Variants in JAM3 observed in about 807,000 individuals in gnomAD.
JAM3 encodes junctional adhesion molecule C.
In JAM3, 31 loss-of-function variants were observed where a neutral mutation model predicts 39.4. The ratio of observed to expected loss-of-function variants is 0.79; its 90% confidence interval spans 0.59 to 1.06. JAM3 has a LOEUF of 1.06. Among genes scored for constraint, JAM3 ranks in the 50% least tolerant of loss-of-function variants. The pLI, the probability that JAM3 is intolerant of heterozygous loss-of-function variation, is 0.00. For missense variants in JAM3, 455 were observed against 391.4 expected (o/e 1.16, Z -1.37); for synonymous variants, 182 against 148.7 (o/e 1.22, Z -1.63).
At chr11:134,121,831 A>G (rs1370018598) in intron 1 of JAM3, among the ~76,000 whole-genome samples, 9 of 152,100 alleles carry the variant, frequency 5.9e-5, no homozygotes, top group East Asian at 1.9e-4. Context: ...GCACACACAC[A>G]CACACACACA....
At chr11:134,070,691 T>A (rs1017993725) in intron 1 of JAM3, among the ~76,000 whole-genome samples, 3 of 152,244 alleles carry the variant, frequency 2.0e-5, no homozygotes, top group Admixed American at 2.0e-4. Flanking sequence ...GTTGAAAAGA[T>A]CTGTTCACGT....
Position 134,149,597 on chromosome 11 carries a change from C to T in JAM3, c.*416C>T, listed in dbSNP as rs190101200. ...GAGATGGCGAGGTGGCTGGACAGCA[C>T]CAGCAGCGCATCCCGGCGGGAACCC... On this transcript the variant is annotated 3_prime_UTR_variant, in exon 9 of 9. Coordinates refer to ENST00000299106, the MANE Select transcript of JAM3 (RefSeq NM_032801.5). 8.5e-3 allele frequency: 3,968 copies of T among 469,220 alleles called. 25 individuals are homozygous for T. Among genetic ancestry groups the T allele is most frequent in the Non-Finnish European group, 0.01 (2,395 of 235,896 alleles). 29.1% of individuals were successfully genotyped at this position (469,220 alleles called of 1,614,324 possible).
At chr11:134,128,610 C>G (rs1241903924) in intron 1 of JAM3, among the ~76,000 whole-genome samples, 1 of 151,998 alleles carries the variant, frequency 6.6e-6, no homozygotes, top group Non-Finnish European at 1.5e-5. Context: ...TGTGGCAGTT[C>G]CCCCCTTATT....
At position 134,094,991 on chromosome 11, in the gene JAM3, A is replaced by G. The variant is rs549277893; in HGVS notation, c.76+25832A>G. 9.2e-5 allele frequency among the ~76,000 whole-genome samples: 14 copies of G among 152,356 alleles called. No homozygotes were observed. In the South Asian group the frequency reaches 2.7e-3, roughly 29 times the overall value. The stretch of plus-strand genomic sequence containing the variant: ...ATATGTAACACGTATGTTAAAAGAT[A>G]TGCTTGGTAGTGAATTCTGAAAGTC... On this transcript the variant is annotated intron_variant, in intron 1 of 8. Transcript: ENST00000299106.
At chr11:134,118,388 G>T (rs1335947927) in intron 1 of JAM3, among the ~76,000 whole-genome samples, 1 of 152,154 alleles carries the variant, frequency 6.6e-6, no homozygotes, top group East Asian at 1.9e-4. Context: ...CATTATTTCA[G>T]TGTAGAACTG....
At chr11:134,105,538 A>G (rs557890619) in intron 1 of JAM3, among the ~76,000 whole-genome samples, 3 of 152,304 alleles carry the variant, frequency 2.0e-5, no homozygotes, top group South Asian at 2.1e-4. Flanking sequence ...AGGGTATTCA[A>G]TTAGGAAAAG....
At chr11:134,107,838 A>G (rs192081088) in intron 1 of JAM3, among the ~76,000 whole-genome samples, 1 of 151,818 alleles carries the variant, frequency 6.6e-6, no homozygotes, top group African/African-American at 2.4e-5. Context: ...ACTCTGGCTA[A>G]GCAACAGAGA....
chr11:134,102,956 G>A (rs1467080926), intron 1 of JAM3, among the ~76,000 whole-genome samples: 1 of 152,174 alleles, frequency 6.6e-6, no homozygotes, highest in Non-Finnish European at 1.5e-5. Context: ...TTATCCAGGA[G>A]AACTTCCCCA....
At chr11:134,133,339 AGTG>A (rs1202327000) in intron 1 of JAM3, among the ~76,000 whole-genome samples, 3 of 152,192 alleles carry the variant, frequency 2.0e-5, no homozygotes, top group Admixed American at 6.5e-5. Context: ...GTTGAATAGA[AGTG>A]GTGAAAGTGG....
intron 1 of JAM3, among the ~76,000 whole-genome samples, chr11:134,082,071 A>G (rs905281942): frequency 6.6e-6 from 1 of 151,266 alleles, no homozygotes; most frequent in Non-Finnish European, 1.5e-5. Flanking sequence ...ATTTCTCCCA[A>G]TCATTTTGGA....
intron 1 of JAM3, 155 bp from the exon 2 acceptor site, chr11:134,139,696 C>T: frequency 3.0e-6 from 2 of 673,578 alleles, no homozygotes; most frequent in Non-Finnish European, 5.4e-6. Context: ...AAGCAGTTAA[C>T]TTGGCTTACC....
At chr11:134,110,089 C>T (rs1016469400) in intron 1 of JAM3, among the ~76,000 whole-genome samples, 14 of 152,060 alleles carry the variant, frequency 9.2e-5, no homozygotes, top group Non-Finnish European at 2.1e-4. Context: ...TAATTTGCAC[C>T]TTAATGCAAA....
At chr11:134,128,451 G>T (rs750013800) in intron 1 of JAM3, among the ~76,000 whole-genome samples, 8 of 152,306 alleles carry the variant, frequency 5.3e-5, no homozygotes, top group Middle Eastern at 3.4e-3. Flanking sequence ...ATGGTTTGGC[G>T]GTGTGTTCCA....
At chr11:134,114,881 A>T (rs1213612435) in intron 1 of JAM3, among the ~76,000 whole-genome samples, 2 of 152,224 alleles carry the variant, frequency 1.3e-5, no homozygotes, top group East Asian at 3.8e-4. Context: ...TAGAATTTTT[A>T]AAAATCAGCA....
Position 134,144,922 on chromosome 11 carries a change from G to T in JAM3, c.540G>T (p.Leu180=). The T allele has an allele frequency of 6.2e-7, 1 of 1,614,166 alleles. No individual in the cohort carries two copies. The highest frequency in any genetic ancestry group is 8.5e-7 in the Non-Finnish European group (1 of 1,180,020). ...HYSWYRNDVP[L]PTDSRANPRF... Reference sequence around the variant, plus strand: ...GCTGGTATCGCAATGATGTACCACTGCCCACGGATTCCAGAGCCAATCCCA... The same window carrying T: ...GCTGGTATCGCAATGATGTACCACTTCCCACGGATTCCAGAGCCAATCCCA... The change falls in exon 5 of 9, where the codon CTG becomes CTT. Residue 180 remains leucine, a synonymous_variant. Transcript: ENST00000299106.
At chr11:134,148,737 T>C in intron 7 of JAM3, 27 bp from the exon 8 acceptor site, 1 of 1,614,140 alleles carries the variant, frequency 6.2e-7, no homozygotes, top group Non-Finnish European at 8.5e-7. Context: ...ACAACCCTGT[T>C]GCTAAACTGC....
In JAM3 at chr11:134,132,329, A is replaced by G. The variant is rs185334326; in HGVS notation, c.77-7522A>G. Reference sequence around the variant, plus strand: ...AAACACAAATTCTATATCCAGCAAAACCATCCTTCAACTATGAAGCAGAAG... The same window carrying G: ...AAACACAAATTCTATATCCAGCAAAGCCATCCTTCAACTATGAAGCAGAAG... On this transcript the variant is annotated intron_variant, in intron 1 of 8. Transcript: ENST00000299106. 1.9e-3 allele frequency among the ~76,000 whole-genome samples: 287 copies of G among 152,312 alleles called. 1 individual carries two copies. Among genetic ancestry groups the G allele is most frequent in the Middle Eastern group, 6.8e-3 (2 of 294 alleles).
At chr11:134,099,604 A>G (rs1942039519) in intron 1 of JAM3, among the ~76,000 whole-genome samples, 1 of 151,808 alleles carries the variant, frequency 6.6e-6, no homozygotes, top group African/African-American at 2.4e-5. Flanking sequence ...TTTTCTATTT[A>G]TTTGTTTATT....
chr11:134,110,981 A>G (rs1475599387), intron 1 of JAM3, among the ~76,000 whole-genome samples: 1 of 152,052 alleles, frequency 6.6e-6, no homozygotes, highest in East Asian at 1.9e-4. Flanking sequence ...AAAACTGGAC[A>G]TAGATATGGA....
Sources: gnomAD v4.1 joint callset for allele counts (sites outside exome capture counted in the v4.1 genomes callset) on GRCh38, gnomAD v4.1.1 for gene constraint, MANE v1.5 for transcripts, NCBI Gene and HGNC (gene_info 2026-07-23, HGNC 2026-07-21) for gene names.